Variants in PTPRS observed in about 807,000 individuals in gnomAD.
PTPRS encodes receptor-type tyrosine-protein phosphatase S.
PTPRS carries 63 observed loss-of-function variants against 215.3 expected under a neutral mutation model. The ratio of observed to expected loss-of-function variants is 0.29; its 90% CI spans 0.24 to 0.36. PTPRS has a LOEUF of 0.36. Among genes scored for constraint, PTPRS ranks in the 10% least tolerant of loss-of-function variants. The probability of loss-of-function intolerance (pLI) is 1.00; values close to 1 mark genes in which losing one functional copy is unlikely to be tolerated. For missense variants in PTPRS, 2,258 were observed against 2,825.8 expected (o/e 0.80, Z 4.56); for synonymous variants, 1,404 against 1,191.4 (o/e 1.18, Z -3.68).
At chr19:5,322,488 C>T (rs547505100) in intron 1 of PTPRS, among the ~76,000 whole-genome samples, 1 of 152,132 alleles carries the variant, frequency 6.6e-6, no homozygotes, top group African/African-American at 2.4e-5. Context: ...GGGACCGACT[C>T]GAGCCCGCCC....
chr19:5,272,047 A>G (rs1217377626), intron 4 of PTPRS, among the ~76,000 whole-genome samples: 1 of 152,088 alleles, frequency 6.6e-6, no homozygotes, highest in East Asian at 1.9e-4. Context: ...AGATGAGAAA[A>G]TTGCAGCTCA....
In PTPRS at chr19:5,338,839, G is replaced by A. The variant is rs541822142; in HGVS notation, c.-95+1825C>T. Among the ~76,000 whole-genome samples, 2 of 152,310 alleles carry A rather than the reference G, an allele frequency of 1.3e-5. No individual in the cohort carries two copies. Among genetic ancestry groups the A allele is most frequent in the East Asian group, 1.9e-4 (1 of 5,178 alleles). ...GGAGCGGGATGGCTTCCTTCTCCCG[G>A]GCGAAAGGCGGCAGAAAGAGGGAAG... On this transcript the variant is annotated intron_variant, in intron 1 of 37. Coordinates refer to ENST00000262963, the MANE Select transcript of PTPRS (RefSeq NM_002850.4). This position sits in a 1 kb window ranked among gnomAD's most constrained non-coding sequence, Gnocchi z 4.2.
At chr19:5,219,813 C>T in intron 22 of PTPRS, 126 bp downstream of exon 22, 2 of 1,120,418 alleles carry the variant, frequency 1.8e-6, no homozygotes, top group South Asian at 1.5e-5. Flanking sequence ...CCAAGTCTTC[C>T]CCTCTGCCCA....
intron 7 of PTPRS, among the ~76,000 whole-genome samples, chr19:5,258,490 G>A (rs142990022): frequency 1.5e-3 from 234 of 152,254 alleles, no homozygotes; most frequent in African/African-American, 5.4e-3. Flanking sequence ...GAAAGAGTGG[G>A]TTGGCATTCA....
At chr19:5,228,347 G>GGAAAAAAAAAAAAAAAAAAAAAAA (rs755255407) in intron 16 of PTPRS, among the ~76,000 whole-genome samples, 1 of 105,866 alleles carries the variant, frequency 9.4e-6, no homozygotes, top group African/African-American at 4.3e-5. Context: ...TCCGTCTGGA[G>GGAAAAAAAAAAAAAAAAAAAAAAA]AAAAAAAAAA....
At chr19:5,274,803 G>A (rs753554058) in intron 2 of PTPRS, among the ~76,000 whole-genome samples, 2 of 152,148 alleles carry the variant, frequency 1.3e-5, no homozygotes, top group Admixed American at 6.6e-5. Context: ...AGAATAACTT[G>A]GTCTAATTTC....
At chr19:5,272,903 G>C (rs1251007551) in intron 4 of PTPRS, among the ~76,000 whole-genome samples, 1 of 152,138 alleles carries the variant, frequency 6.6e-6, no homozygotes, top group Non-Finnish European at 1.5e-5. Flanking sequence ...CTTGGCTCCA[G>C]GTAGGAGTCT....
At chr19:5,231,199 G>T in intron 14 of PTPRS, 111 bp downstream of exon 14, 1 of 1,200,310 alleles carries the variant, frequency 8.3e-7, no homozygotes, top group South Asian at 1.6e-5. Flanking sequence ...GACTTCCTCC[G>T]AGTGAGGCTT....
chr19:5,212,536 C>A, intron 30 of PTPRS, 45 bp from the exon 31 acceptor site: 1 of 1,539,616 alleles, frequency 6.5e-7, no homozygotes, highest in Non-Finnish European at 8.8e-7. Context: ...CTCAACCTGC[C>A]ACCCATGTGC....
chr19:5,222,297 G>A lies in PTPRS; in HGVS notation c.3104-77C>T, dbSNP rs111610849. On this transcript the variant is annotated intron_variant, in intron 18 of 37. Transcript: ENST00000262963. Reference sequence around the variant, plus strand: ...TGCCTGGCACTGGGTGGCGTGAAGCGGGGTGGGGTGGGGCGGCCCAGGCGC... The same window carrying A: ...TGCCTGGCACTGGGTGGCGTGAAGCAGGGTGGGGTGGGGCGGCCCAGGCGC... The A allele has an allele frequency of 3.2e-3, 3,888 of 1,230,340 alleles. 56 individuals are homozygous for A. The African/African-American group carries it at 0.039, about 12-fold the overall frequency. 76.2% of individuals were successfully genotyped at this position (1,230,340 alleles called of 1,614,324 possible).
intron 1 of PTPRS, among the ~76,000 whole-genome samples, chr19:5,324,984 G>C (rs1048906070): frequency 6.6e-6 from 1 of 152,176 alleles, no homozygotes; most frequent in Non-Finnish European, 1.5e-5. Flanking sequence ...CAGTTGAATT[G>C]CAAATGCCAG....
At chr19:5,311,712 A>C (rs1260425523) in intron 1 of PTPRS, among the ~76,000 whole-genome samples, 1 of 152,110 alleles carries the variant, frequency 6.6e-6, no homozygotes, top group Non-Finnish European at 1.5e-5. Flanking sequence ...TGCTCTCTGC[A>C]GGGTAACTGG....
At chr19:5,221,408 C>G (rs1599449524) in intron 19 of PTPRS, among the ~76,000 whole-genome samples, 155 bp from the exon 20 acceptor site, 1 of 93,404 alleles carries the variant, frequency 1.1e-5, no homozygotes, top group South Asian at 3.5e-4. Context: ...TGATCCCAGG[C>G]TGAGTCCCCA....
intron 6 of PTPRS, 132 bp from the exon 7 acceptor site, chr19:5,260,954 C>A: frequency 9.1e-7 from 1 of 1,100,738 alleles, no homozygotes; most frequent in Non-Finnish European, 1.3e-6. Flanking sequence ...ATCGAGCCAG[C>A]CCTGGGCATA....
Position 5,244,263 on chromosome 19 carries a change from G to C in PTPRS, c.1208C>G (p.Ser403Trp). 1 of 1,614,094 alleles carries C rather than the reference G, an allele frequency of 6.2e-7. No individual in the cohort carries two copies. The highest frequency in any genetic ancestry group is 8.5e-7 in the Non-Finnish European group (1 of 1,179,950). The change falls in exon 11 of 38, where the codon TCG (serine) becomes TGG (tryptophan). Residue 403 changes from serine (S) to tryptophan (W), a missense_variant. Physicochemically the swap from Ser to Trp is radical, Grantham distance 177. Coordinates refer to ENST00000262963, the MANE Select transcript of PTPRS (RefSeq NM_002850.4). This position sits in a 1 kb window ranked among gnomAD's most constrained non-coding sequence, Gnocchi z 7.2. ...SPNSEYEIWVSAVNSIGQGPP... is the reference protein window; with the variant it reads ...SPNSEYEIWVWAVNSIGQGPP... ...CCCCTGGCCGATGGAGTTGACGGCC[G>C]ACACCCAGATCTCGTACTCCGAGTT...
rs767493286 is a variant in PTPRS, at chr19:5,210,765, C to T, written c.5275G>A (p.Glu1759Lys). Residue 1759 changes from glutamate (E) to lysine (K), a missense_variant, in exon 34 of 38, where the codon GAG becomes AAG. Physicochemically the swap from Glu to Lys is moderately conservative, Grantham distance 56. This residue lies in a region of PTPRS where 927 missense variants were observed against 1,125.9 expected (regional missense o/e 0.82). Transcript: ENST00000262963. The surrounding 1 kb of genome is among the most constrained non-coding windows in gnomAD (Gnocchi z 4.5). ...ATGCGCCAGAAGTCTTCCGTGGTCTCCGCCAGCGGCCCCTGTGTCGCGATG... is the reference window on the plus strand; with the variant it reads ...ATGCGCCAGAAGTCTTCCGTGGTCTTCGCCAGCGGCCCCTGTGTCGCGATG... The part of the protein sequence containing the change: ...AYIATQGPLA[E>K]TTEDFWRMLW... 2 of 1,614,158 alleles carry T rather than the reference C, an allele frequency of 1.2e-6. No individual in the cohort carries two copies. Among genetic ancestry groups the T allele is most frequent in the Non-Finnish European group, 1.7e-6 (2 of 1,180,046 alleles).
intron 1 of PTPRS, among the ~76,000 whole-genome samples, chr19:5,334,677 G>A (rs2050436463): frequency 1.3e-5 from 2 of 152,218 alleles, no homozygotes; most frequent in South Asian, 4.1e-4. Flanking sequence ...CAGATGGACT[G>A]CTGTCCAAAC....
intron 4 of PTPRS, chr19:5,273,018 T>A (rs1327225038): frequency 4.1e-6 from 1 of 241,040 alleles, no homozygotes; most frequent in East Asian, 1.1e-4. Context: ...AAGGATATCA[T>A]CAATACAGAA....
intron 4 of PTPRS, among the ~76,000 whole-genome samples, chr19:5,269,991 C>G (rs367941376): frequency 2.0e-5 from 3 of 150,998 alleles, no homozygotes; most frequent in Admixed American, 2.0e-4. Flanking sequence ...TCCGGGGGAC[C>G]GGGCAGTTGA....
Sources: gnomAD v4.1 joint callset for allele counts (sites outside exome capture counted in the v4.1 genomes callset) on GRCh38, gnomAD v4.1.1 for gene constraint, gnomAD v4.1.1 regional missense constraint, Gnocchi (gnomAD v3.1) non-coding constraint, MANE v1.5 for transcripts, NCBI Gene and HGNC (gene_info 2026-07-23, HGNC 2026-07-21) for gene names.